Variants in COL5A1 observed in about 807,000 individuals in gnomAD.
The protein encoded by COL5A1 is collagen type V alpha 1 chain, also known as collagen alpha-1(V) chain.
A neutral mutation model predicts 263.7 loss-of-function variants in COL5A1; 16 were observed. The observed-to-expected ratio is 0.06, with a 90% CI of 0.04 to 0.09. COL5A1 has a LOEUF of 0.09. COL5A1 is among the 10% of genes least tolerant of loss of function. The probability of loss-of-function intolerance (pLI) is 1.00; values close to 1 mark genes in which losing one functional copy is unlikely to be tolerated. For synonymous variants in COL5A1, 1,012 were observed against 1,004.5 expected (o/e 1.01, Z -0.14); for missense variants, 2,036 against 2,540.5 (o/e 0.80, Z 4.27).
chr9:134,815,777 C>G (rs1588582878), intron 51 of COL5A1, 148 bp downstream of exon 51: 1 of 1,258,168 alleles, frequency 7.9e-7, no homozygotes. Context: ...TTCCGGTGAT[C>G]AGAGCAAGAA....
chr9:134,726,112 G>A (rs978586657), intron 4 of COL5A1, among the ~76,000 whole-genome samples: 1 of 152,216 alleles, frequency 6.6e-6, no homozygotes, highest in Non-Finnish European at 1.5e-5. Flanking sequence ...TAATGGCAAA[G>A]GAGGCAGGGT....
intron 27 of COL5A1, among the ~76,000 whole-genome samples, chr9:134,779,144 G>A (rs968304392): frequency 9.9e-5 from 15 of 152,238 alleles, no homozygotes; most frequent in African/African-American, 2.9e-4. Context: ...CTGGAATCCC[G>A]GTGCCGGGGG....
intron 4 of COL5A1, among the ~76,000 whole-genome samples, chr9:134,702,649 C>T (rs572664314): frequency 2.0e-5 from 3 of 152,310 alleles, no homozygotes; most frequent in East Asian, 1.9e-4. Context: ...GGGCTTTGAG[C>T]GTGTGAGAAG....
In COL5A1 at chr9:134,718,880, G is replaced by A. The variant is rs79785826; in HGVS notation, c.655-8386G>A. On this transcript the variant is annotated intron_variant, in intron 4 of 65. Coordinates refer to ENST00000371817, the MANE Select transcript of COL5A1 (RefSeq NM_000093.5). Reference sequence around the variant, plus strand: ...GGAGACCTTGCCTTCCTCCTGGGGGGGCTGCAAGAATGGGAGTAGGGCCAG... The same window carrying A: ...GGAGACCTTGCCTTCCTCCTGGGGGAGCTGCAAGAATGGGAGTAGGGCCAG... Among the ~76,000 whole-genome samples the A allele has an allele frequency of 4.1e-4, 62 of 152,272 alleles. No individual in the cohort carries two copies. In the East Asian group the frequency reaches 5.6e-3, roughly 14 times the overall value.
chr9:134,759,553 TCATACAC>T (rs1836175477), intron 18 of COL5A1, among the ~76,000 whole-genome samples: 9 of 71,126 alleles, frequency 1.3e-4, no homozygotes, highest in African/African-American at 5.5e-4. Flanking sequence ...GCACACACAC[TCATACAC>T]ACATGCACAC....
chr9:134,744,575 G>C, intron 11 of COL5A1, among the ~76,000 whole-genome samples: 1 of 140,164 alleles, frequency 7.1e-6, no homozygotes, highest in East Asian at 2.2e-4. Flanking sequence ...ATACATGCAT[G>C]CACACACACT....
chr9:134,663,442 C>T (rs951437828), intron 1 of COL5A1, among the ~76,000 whole-genome samples: 2 of 152,222 alleles, frequency 1.3e-5, no homozygotes, highest in African/African-American at 4.8e-5. Flanking sequence ...AAGGAGGCCG[C>T]CCTGGCCAAC....
intron 41 of COL5A1, 99 bp downstream of exon 41, chr9:134,805,313 C>G: frequency 1.5e-6 from 2 of 1,356,084 alleles, no homozygotes; most frequent in South Asian, 2.3e-5. Context: ...TGCCCCAGAC[C>G]CCCGAGGAGC....
Position 134,642,305 on chromosome 9 carries a change from G to T in COL5A1, c.109+9G>T, listed in dbSNP as rs1831318554. 1.1e-6 allele frequency: 1 copy of T among 933,022 alleles called. No homozygotes were observed. Among genetic ancestry groups the T allele is most frequent in the East Asian group, 4.4e-5 (1 of 22,786 alleles). 57.8% of individuals were successfully genotyped at this position (933,022 alleles called of 1,614,324 possible). ...GCCTCCGAGCCGCGCAGGTAAGGGC[G>T]CCCCGGGGCGCGGGGCTGCGGGATG... On this transcript the variant is annotated intron_variant, in intron 1 of 65. Transcript: ENST00000371817. This position sits in a 1 kb window ranked among gnomAD's most constrained non-coding sequence, Gnocchi z 4.5.
At chr9:134,679,761 T>C in intron 1 of COL5A1, among the ~76,000 whole-genome samples, 1 of 147,424 alleles carries the variant, frequency 6.8e-6, no homozygotes, top group Admixed American at 6.7e-5. Context: ...ACTGTGGGGC[T>C]GGTTGGGGGC....
intron 11 of COL5A1, among the ~76,000 whole-genome samples, chr9:134,739,512 G>A (rs1172207718): frequency 1.3e-5 from 2 of 152,236 alleles, no homozygotes; most frequent in Non-Finnish European, 1.5e-5. Flanking sequence ...CCTGCTGTCC[G>A]GGGCAGAGTG....
chr9:134,789,285 G>A lies in COL5A1; in HGVS notation c.2700+77G>A, dbSNP rs1837588391. 4.9e-6 allele frequency: 6 copies of A among 1,227,034 alleles called. No homozygotes were observed. Among genetic ancestry groups the A allele is most frequent in the East Asian group, 2.4e-5 (1 of 42,534 alleles). The allele number at this position is 1,227,034 out of a possible 1,614,324, so 76.0% of individuals were successfully genotyped here. A position where few individuals can be genotyped will look rare whatever the true frequency, so the allele number is the denominator to read the frequency against. Reference sequence around the variant, plus strand: ...CTAGCAAGTTGGTTCTCCAGCCGACGGCCTGTTTATTTCTCACTCTCTTGC... The same window carrying A: ...CTAGCAAGTTGGTTCTCCAGCCGACAGCCTGTTTATTTCTCACTCTCTTGC... On this transcript the variant is annotated intron_variant, in intron 32 of 65. Transcript: ENST00000371817. This position sits in a 1 kb window ranked among gnomAD's most constrained non-coding sequence, Gnocchi z 4.8.
At chr9:134,797,810 G>A (rs922164682) in intron 36 of COL5A1, among the ~76,000 whole-genome samples, 6 of 152,174 alleles carry the variant, frequency 3.9e-5, no homozygotes, top group Non-Finnish European at 7.3e-5. Flanking sequence ...ATTTTATAAG[G>A]ACACCAGTCA....
At chr9:134,839,192 GA>G (rs1564190197) in intron 65 of COL5A1, among the ~76,000 whole-genome samples, 1 of 152,254 alleles carries the variant, frequency 6.6e-6, no homozygotes, top group Non-Finnish European at 1.5e-5. Context: ...GCCCAGTGGA[GA>G]GGCACAAATC....
intron 1 of COL5A1, among the ~76,000 whole-genome samples, chr9:134,655,105 A>G (rs1831908762): frequency 9.3e-6 from 1 of 107,376 alleles, no homozygotes; most frequent in Non-Finnish European, 1.9e-5. Flanking sequence ...TGGTGTGTGT[A>G]GGGCTGGGGG....
chr9:134,826,999 G>A (rs1839309635), intron 63 of COL5A1, among the ~76,000 whole-genome samples: 1 of 152,200 alleles, frequency 6.6e-6, no homozygotes, highest in Non-Finnish European at 1.5e-5. Flanking sequence ...GCTCCTGGAA[G>A]GTGACCAAGC....
intron 25 of COL5A1, among the ~76,000 whole-genome samples, chr9:134,772,126 G>A (rs1836883877): frequency 6.6e-6 from 1 of 152,162 alleles, no homozygotes. Flanking sequence ...CCGAGGCCAG[G>A]TGGAGACCCG....
rs77040642 is a variant in COL5A1 at position 134,753,640 on chromosome 9, G to A, written c.1720-210G>A. Among the ~76,000 whole-genome samples the A allele has an allele frequency of 4.3e-3, 660 of 152,336 alleles. 8 individuals carry two copies. Among genetic ancestry groups the A allele is most frequent in the African/African-American group, 0.015 (634 of 41,576 alleles). ...CTAGAATTGTATTCCTGATTAGGAAGAGATCCAAACAACTGCATTTCCCGG... is the reference window on the plus strand; with the variant it reads ...CTAGAATTGTATTCCTGATTAGGAAAAGATCCAAACAACTGCATTTCCCGG... On this transcript the variant is annotated intron_variant, in intron 14 of 65. Transcript: ENST00000371817.
In COL5A1 at chr9:134,716,238, GTAA is replaced by G. The variant is rs768667229; in HGVS notation, c.655-11026_655-11024del. On this transcript the variant is annotated intron_variant, in intron 4 of 65. Transcript: ENST00000371817. The surrounding 1 kb of genome is among the most constrained non-coding windows in gnomAD (Gnocchi z 4.5). ...TTTTATCAACAGATGGAGGCCTGGA[GTAA>G]TTAGTCATACGCTGACATCCTCACA... 6.6e-6 allele frequency among the ~76,000 whole-genome samples: 1 copy of G among 152,220 alleles called. No individual in the cohort carries two copies. Among genetic ancestry groups the G allele is most frequent in the Non-Finnish European group, 1.5e-5 (1 of 68,050 alleles).
Sources: allele counts gnomAD v4.1 joint callset (sites outside exome capture counted in the v4.1 genomes callset), GRCh38; gene constraint gnomAD v4.1.1; non-coding constraint Gnocchi (gnomAD v3.1); transcripts MANE v1.5; gene names NCBI Gene and HGNC (gene_info 2026-07-23, HGNC 2026-07-21).